ABI3BP: variants seen among roughly 807,000 people sequenced by gnomAD.
The protein encoded by ABI3BP is ABI family member 3 binding protein.
Under a neutral mutation model 268.6 loss-of-function variants are expected in ABI3BP, and 216 were observed. That is an observed-to-expected ratio of 0.80 (90% confidence interval 0.72 to 0.90). The LOEUF is 0.90. Ranked by LOEUF, ABI3BP falls within the 40% of genes least tolerant of loss-of-function variation. The probability of loss-of-function intolerance (pLI) is 0.00; values close to 1 mark genes in which losing one functional copy is unlikely to be tolerated. For missense variants in ABI3BP, 2,090 were observed against 2,182.4 expected, an observed-to-expected ratio of 0.96 and a Z score of 0.84; for synonymous variants, 730 against 730.0, an observed-to-expected ratio of 1.00 and a Z score of 0.00.
In ABI3BP at chr3:100,792,852, C is replaced by A. The variant is rs372153548; in HGVS notation, c.3947-84G>T. 1.9e-4 allele frequency: 216 copies of A among 1,128,504 alleles called. 2 individuals carry two copies. In the South Asian group the frequency reaches 2.8e-3, roughly 15 times the overall value. The allele number at this position is 1,128,504 out of a possible 1,614,324, so 69.9% of individuals were successfully genotyped here. ...AAAAAACCCATACTCTTTTCTGTCC[C>A]ATGCAATAATAAAAGGATAAGTTGC... On this transcript the variant is annotated intron_variant, in intron 54 of 67. Transcript: ENST00000471714.
intron 63 of ABI3BP, among the ~76,000 whole-genome samples, chr3:100,757,782 T>G (rs1373602564): frequency 6.6e-6 from 1 of 152,074 alleles, no homozygotes; most frequent in Non-Finnish European, 1.5e-5. Context: ...TGTGAAAAGG[T>G]CAGTCTAGAC....
chr3:100,965,065 G>A (rs1225325474), intron 1 of ABI3BP, among the ~76,000 whole-genome samples: 3 of 152,334 alleles, frequency 2.0e-5, no homozygotes, highest in Middle Eastern at 6.8e-3. Context: ...AGTGATCAGA[G>A]ATAACTTTGG....
intron 63 of ABI3BP, among the ~76,000 whole-genome samples, chr3:100,758,833 C>T (rs1376678358): frequency 1.3e-5 from 2 of 152,122 alleles, no homozygotes; most frequent in East Asian, 3.9e-4. Context: ...ACCTGTGGCT[C>T]ATGAGCAAAA....
At chr3:100,886,101 A>C in intron 5 of ABI3BP, 41 bp downstream of exon 5, 1 of 1,481,758 alleles carries the variant, frequency 6.7e-7, no homozygotes, top group Non-Finnish European at 9.0e-7. Context: ...TAAGAAAAAA[A>C]TTATAAAAGC....
chr3:100,847,297 A>G (rs1481705489), intron 19 of ABI3BP, among the ~76,000 whole-genome samples: 1 of 152,222 alleles, frequency 6.6e-6, no homozygotes, highest in African/African-American at 2.4e-5. Flanking sequence ...AAATAAAAAA[A>G]AGAGAACTAT....
Position 100,833,113 on chromosome 3 carries a change from G to C in ABI3BP, c.2314+12C>G. 2 of 1,533,756 alleles carry C rather than the reference G, an allele frequency of 1.3e-6. No individual in the cohort carries two copies. The highest frequency in any genetic ancestry group is 1.7e-6 in the Non-Finnish European group (2 of 1,145,224). On this transcript the variant is annotated intron_variant, in intron 30 of 67. Coordinates refer to ENST00000471714, the MANE Select transcript of ABI3BP (RefSeq NM_001375547.2). ...GAAAAAGGACTTGCTGAAGGACATA[G>C]AGAGTCATTACCTGAAGATGTCCCA...
chr3:100,787,868 A>G (rs2097096328), intron 56 of ABI3BP, 66 bp from the exon 57 acceptor site: 1 of 1,224,144 alleles, frequency 8.2e-7, no homozygotes, highest in African/African-American at 1.5e-5. Flanking sequence ...GAAAAACAAA[A>G]TTTCTCAGAG....
At chr3:100,943,458 T>C (rs1282850688) in intron 1 of ABI3BP, among the ~76,000 whole-genome samples, 1 of 152,132 alleles carries the variant, frequency 6.6e-6, no homozygotes, top group African/African-American at 2.4e-5. Flanking sequence ...TATACATTAC[T>C]GTTTTCCCCA....
At position 100,851,943 on chromosome 3, in the gene ABI3BP, T is replaced by TAAAA. The variant is rs60146880; in HGVS notation, c.1286-7_1286-4dup. 73,651 of 1,372,548 alleles carry TAAAA rather than the reference T, an allele frequency of 0.054. 364 individuals are homozygous for TAAAA. Among genetic ancestry groups the TAAAA allele is most frequent in the Non-Finnish European group, 0.063 (64,627 of 1,026,052 alleles). 85.0% of individuals were successfully genotyped at this position (1,372,548 alleles called of 1,614,324 possible). ...GCTTGAGAAAACATCATAAGTTGCTTAAAAAAAAAAAAAAGGCAAAACAAG... is the reference window on the plus strand; with the variant it reads ...GCTTGAGAAAACATCATAAGTTGCTTAAAAAAAAAAAAAAAAAAGGCAAAACAAG... On this transcript the variant is annotated splice_polypyrimidine_tract_variant and splice_region_variant and intron_variant, in intron 14 of 67. Transcript: ENST00000471714.
intron 1 of ABI3BP, among the ~76,000 whole-genome samples, chr3:100,988,695 A>C (rs2092408089): frequency 6.6e-6 from 1 of 152,154 alleles, no homozygotes; most frequent in African/African-American, 2.4e-5. Flanking sequence ...TTTCCACACC[A>C]GTCCCTTATC....
intron 54 of ABI3BP, among the ~76,000 whole-genome samples, chr3:100,793,912 T>G (rs1038348542): frequency 3.9e-5 from 6 of 152,030 alleles, no homozygotes; most frequent in Admixed American, 1.3e-4. Context: ...ACAGCACATT[T>G]GTGTTGAACT....
chr3:100,933,394 A>G (rs1187471021), intron 1 of ABI3BP, among the ~76,000 whole-genome samples: 1 of 151,840 alleles, frequency 6.6e-6, no homozygotes, highest in Non-Finnish European at 1.5e-5. Context: ...TTATTGCACA[A>G]TTTTCACTTA....
chr3:100,918,860 G>A (rs958012982), intron 2 of ABI3BP, among the ~76,000 whole-genome samples: 1 of 152,196 alleles, frequency 6.6e-6, no homozygotes, highest in African/African-American at 2.4e-5. Flanking sequence ...GTGGTTCAGA[G>A]CTCAGACTTC....
At chr3:100,770,463 T>G (rs191522180) in intron 62 of ABI3BP, among the ~76,000 whole-genome samples, 10 of 152,292 alleles carry the variant, frequency 6.6e-5, no homozygotes, top group South Asian at 2.1e-4. Flanking sequence ...AAGACTAGCT[T>G]CTTCTTCATT....
At chr3:100,795,923 A>AT (rs1203831183) in intron 52 of ABI3BP, 72 bp from the exon 53 acceptor site, 9 of 1,042,904 alleles carry the variant, frequency 8.6e-6, no homozygotes, top group African/African-American at 1.7e-5. Flanking sequence ...TAGTTTCCTT[A>AT]TTTTTTAGAT....
rs60146880 is a variant in ABI3BP at position 100,851,943 on chromosome 3, T to TAAA, written c.1286-6_1286-4dup. ...GCTTGAGAAAACATCATAAGTTGCT[T>TAAA]AAAAAAAAAAAAAAGGCAAAACAAG... On this transcript the variant is annotated splice_polypyrimidine_tract_variant and splice_region_variant and intron_variant, in intron 14 of 67. Transcript: ENST00000471714. 235,974 of 1,346,824 alleles carry TAAA rather than the reference T, an allele frequency of 0.18. 4,141 individuals carry two copies. Among genetic ancestry groups the TAAA allele is most frequent in the South Asian group, 0.2 (14,255 of 70,390 alleles). 83.4% of individuals were successfully genotyped at this position (1,346,824 alleles called of 1,614,324 possible). A position where few individuals can be genotyped will look rare whatever the true frequency, so the allele number is the denominator to read the frequency against.
chr3:100,862,245 TA>T, intron 14 of ABI3BP, 65 bp downstream of exon 14: 3 of 1,098,014 alleles, frequency 2.7e-6, no homozygotes, highest in African/African-American at 1.6e-5. Flanking sequence ...AAGGAACCTA[TA>T]AAAACAATAA....
At chr3:100,932,681 A>G (rs2064098875) in intron 1 of ABI3BP, among the ~76,000 whole-genome samples, 1 of 152,108 alleles carries the variant, frequency 6.6e-6, no homozygotes, top group African/African-American at 2.4e-5. Context: ...GGCTATTATT[A>G]AAAAGTCAGA....
intron 4 of ABI3BP, among the ~76,000 whole-genome samples, chr3:100,891,983 C>T (rs541827867): frequency 6.6e-6 from 1 of 152,324 alleles, no homozygotes; most frequent in African/African-American, 2.4e-5. Flanking sequence ...GGACACGCTG[C>T]ATTTTAAATC....
Sources: allele counts gnomAD v4.1 joint callset (sites outside exome capture counted in the v4.1 genomes callset), GRCh38; gene constraint gnomAD v4.1.1; transcripts MANE v1.5; gene names NCBI Gene and HGNC (gene_info 2026-07-23, HGNC 2026-07-21).